RNF111: variants seen among roughly 807,000 people sequenced by gnomAD.
RNF111 encodes ring finger protein 111, also known as E3 ubiquitin-protein ligase Arkadia.
RNF111 carries 17 observed loss-of-function variants against 95.1 expected under a neutral mutation model. That is an observed-to-expected ratio of 0.18 (90% CI 0.12 to 0.27). The LOEUF (loss-of-function observed/expected upper bound fraction) is 0.27. Ranked by LOEUF, RNF111 falls within the 10% of genes least tolerant of loss-of-function variation. The probability of loss-of-function intolerance (pLI) is 1.00; values close to 1 mark genes in which losing one functional copy is unlikely to be tolerated. For synonymous variants in RNF111, 440 were observed against 414.8 expected, an observed-to-expected ratio of 1.06 and a Z score of -0.74; for missense variants, 1,189 against 1,210.4, an observed-to-expected ratio of 0.98 and a Z score of 0.26.
chr15:59,027,235 C>T (rs1311061915), intron 1 of RNF111, among the ~76,000 whole-genome samples: 1 of 152,160 alleles, frequency 6.6e-6, no homozygotes, highest in Non-Finnish European at 1.5e-5. Context: ...AAGATCTCCT[C>T]CTCTGAAATC....
rs570266165 is a variant in RNF111 at position 59,095,298 on chromosome 15, A to T, written c.*398A>T. The T allele has an allele frequency of 1.3e-3, 242 of 189,242 alleles. 1 individual carries two copies. The highest frequency in any genetic ancestry group is 2.2e-3 in the Middle Eastern group (1 of 456). The allele number at this position is 189,242 out of a possible 1,614,324, so 11.7% of individuals were successfully genotyped here. A position where few individuals can be genotyped will look rare whatever the true frequency, so the allele number is the denominator to read the frequency against. On this transcript the variant is annotated 3_prime_UTR_variant, in exon 14 of 14. Transcript: ENST00000348370. ...AATTATGAATTTTTTATCCATTACTAACCTTTAATTTAATCAATCATGTAC... is the reference window on the plus strand; with the variant it reads ...AATTATGAATTTTTTATCCATTACTTACCTTTAATTTAATCAATCATGTAC...
intron 10 of RNF111, among the ~76,000 whole-genome samples, chr15:59,089,212 A>C (rs781423620): frequency 6.6e-6 from 1 of 152,144 alleles, no homozygotes; most frequent in Non-Finnish European, 1.5e-5. Context: ...GATTGACTGT[A>C]ACTAACAAAA....
Position 59,058,576 on chromosome 15 carries a change from G to A in RNF111, c.1366+26G>A, listed in dbSNP as rs769674265. 6 of 1,593,100 alleles carry A rather than the reference G, an allele frequency of 3.8e-6. No homozygotes were observed. The Admixed American group carries it at 1.0e-4, about 27-fold the overall frequency. On this transcript the variant is annotated intron_variant, in intron 5 of 13. Transcript: ENST00000348370. Reference sequence around the variant, plus strand: ...GTATGTAAAAAAGTGGGGGAGGGGAGACTTTTTGTCATTACTTTCGTTAGG... The same window carrying A: ...GTATGTAAAAAAGTGGGGGAGGGGAAACTTTTTGTCATTACTTTCGTTAGG...
At chr15:59,086,964 A>T (rs1426753675) in intron 10 of RNF111, among the ~76,000 whole-genome samples, 2 of 152,226 alleles carry the variant, frequency 1.3e-5, no homozygotes, top group Non-Finnish European at 2.9e-5. Flanking sequence ...AGAGGTAAAT[A>T]TTGATGAATG....
At chr15:59,045,515 G>A (rs2041667661) in intron 2 of RNF111, among the ~76,000 whole-genome samples, 1 of 152,100 alleles carries the variant, frequency 6.6e-6, no homozygotes, top group African/African-American at 2.4e-5. Flanking sequence ...TTAAAAACAG[G>A]TTTTAAAAGA....
At chr15:59,091,190 C>G in intron 12 of RNF111, 36 bp downstream of exon 12, 1 of 1,223,094 alleles carries the variant, frequency 8.2e-7, no homozygotes, top group Admixed American at 1.8e-5. Flanking sequence ...TGGAGTGTTA[C>G]TGAAAGGCAT....
At chr15:59,084,838 T>C (rs1330044366) in intron 9 of RNF111, among the ~76,000 whole-genome samples, 1 of 152,168 alleles carries the variant, frequency 6.6e-6, no homozygotes, top group East Asian at 1.9e-4. Context: ...TTAGGTTTTT[T>C]AGAGTTCCCA....
chr15:59,075,370 G>C (rs892499101), intron 6 of RNF111, among the ~76,000 whole-genome samples: 3 of 152,342 alleles, frequency 2.0e-5, no homozygotes, highest in East Asian at 3.8e-4. Context: ...TTTTGAACAA[G>C]TGAAAGCTTT....
At chr15:58,995,329 G>C (rs1161643821) in intron 1 of RNF111, among the ~76,000 whole-genome samples, 2 of 152,144 alleles carry the variant, frequency 1.3e-5, no homozygotes, top group Admixed American at 6.5e-5. Flanking sequence ...GATTAATACA[G>C]AATTGTGTGT....
At chr15:59,060,288 T>C (rs539562917) in intron 5 of RNF111, among the ~76,000 whole-genome samples, 1 of 152,150 alleles carries the variant, frequency 6.6e-6, no homozygotes, top group Non-Finnish European at 1.5e-5. Context: ...TTATATGTTA[T>C]TGTATATATT....
At chr15:59,024,680 C>T (rs1239205263) in intron 1 of RNF111, among the ~76,000 whole-genome samples, 3 of 152,214 alleles carry the variant, frequency 2.0e-5, no homozygotes, top group Non-Finnish European at 1.5e-5. Flanking sequence ...TTATTTTGGT[C>T]GTTTAAATGT....
At chr15:59,094,200 G>A (rs902697700) in intron 13 of RNF111, among the ~76,000 whole-genome samples, 3 of 151,902 alleles carry the variant, frequency 2.0e-5, no homozygotes, top group African/African-American at 7.3e-5. Context: ...CAATTATTCC[G>A]TGAAAAAAGT....
chr15:59,035,445 A>T (rs550034278), intron 2 of RNF111, among the ~76,000 whole-genome samples: 1 of 152,178 alleles, frequency 6.6e-6, no homozygotes, highest in Admixed American at 6.5e-5. Context: ...ATTAGAAGCA[A>T]GTTAGTTCCT....
chr15:59,083,714 C>T (rs1239569732), intron 8 of RNF111, among the ~76,000 whole-genome samples: 1 of 152,070 alleles, frequency 6.6e-6, no homozygotes, highest in Admixed American at 6.6e-5. Context: ...ATTAAGGTTT[C>T]AATGTGTCCT....
chr15:58,999,575 A>G (rs1393509871), intron 1 of RNF111, among the ~76,000 whole-genome samples: 8 of 152,150 alleles, frequency 5.3e-5, no homozygotes, highest in African/African-American at 1.9e-4. Flanking sequence ...ACCTCAGGTG[A>G]TCCGCCCACC....
At position 59,066,812 on chromosome 15, in the gene RNF111, C is replaced by T; in HGVS notation, c.1415C>T (p.Pro472Leu). Reference protein sequence around the residue: ...TSSAVTETGPPAMPRLPSCCP... With the variant: ...TSSAVTETGPLAMPRLPSCCP... ...AGTGCTGTAACGGAAACTGGCCCTCCTGCAATGCCAAGGTTACCTTCCTGC... is the reference window on the plus strand; with the variant it reads ...AGTGCTGTAACGGAAACTGGCCCTCTTGCAATGCCAAGGTTACCTTCCTGC... The change falls in exon 6 of 14, where the codon CCT becomes CTT. Residue 472 changes from proline (P) to leucine (L), a missense_variant. Physicochemically the swap from Pro to Leu is moderately conservative, Grantham distance 98. This residue lies in a region of RNF111 where 1,024 missense variants were observed against 925.9 expected (regional missense o/e 1.11). Transcript: ENST00000348370. The T allele has an allele frequency of 6.2e-7, 1 of 1,614,054 alleles. No homozygotes were observed. Among genetic ancestry groups the T allele is most frequent in the Non-Finnish European group, 8.5e-7 (1 of 1,179,984 alleles).
intron 1 of RNF111, among the ~76,000 whole-genome samples, chr15:59,029,938 T>C (rs1184576356): frequency 1.3e-5 from 2 of 152,258 alleles, no homozygotes; most frequent in African/African-American, 4.8e-5. Flanking sequence ...AGTAAAGCTC[T>C]TCATTTGTCA....
In RNF111 at chr15:59,081,291, T is replaced by G; in HGVS notation, c.2297+7T>G. 1 of 1,606,816 alleles carries G rather than the reference T, an allele frequency of 6.2e-7. No homozygotes were observed. Among genetic ancestry groups the G allele is most frequent in the Non-Finnish European group, 8.5e-7 (1 of 1,174,796 alleles). On this transcript the variant is annotated splice_region_variant and intron_variant, in intron 8 of 13. Transcript: ENST00000348370. The stretch of plus-strand genomic sequence containing the variant: ...GGATGATGCAGCATCCAACGTATGT[T>G]TTACGTTTTTAAAAAGAAAGTCAAG...
At chr15:59,071,159 G>T (rs190853421) in intron 6 of RNF111, among the ~76,000 whole-genome samples, 270 of 152,094 alleles carry the variant, frequency 1.8e-3, no homozygotes, top group African/African-American at 6.4e-3. Context: ...GTAGCCGGGC[G>T]TGGTGGTGGG....
Sources: gnomAD v4.1 joint callset for allele counts (sites outside exome capture counted in the v4.1 genomes callset) on GRCh38, gnomAD v4.1.1 for gene constraint, gnomAD v4.1.1 regional missense constraint, MANE v1.5 for transcripts, NCBI Gene and HGNC (gene_info 2026-07-23, HGNC 2026-07-21) for gene names.